Variants in UNG observed in about 807,000 individuals in gnomAD.
The protein encoded by UNG is uracil-DNA glycosylase.
In UNG, 34 loss-of-function variants were observed where a neutral mutation model predicts 36.5. The ratio of observed to expected loss-of-function variants is 0.93; its 90% CI spans 0.71 to 1.24. UNG has a LOEUF of 1.24. UNG is among the 50% of genes most tolerant of loss of function. UNG has a pLI of 0.00. For synonymous variants in UNG, 172 were observed against 157.8 expected, an observed-to-expected ratio of 1.09 and a Z score of -0.67; for missense variants, 391 against 397.6, an observed-to-expected ratio of 0.98 and a Z score of 0.14.
intron 4 of UNG, among the ~76,000 whole-genome samples, chr12:109,102,348 C>CA (rs2042184605): frequency 1.3e-5 from 2 of 152,180 alleles, no homozygotes; most frequent in Non-Finnish European, 2.9e-5. Flanking sequence ...CGCGGTGACT[C>CA]ACGCCTGTAA....
Position 109,110,262 on chromosome 12 carries a change from G to A in UNG, c.*293G>A, listed in dbSNP as rs56067042. 3.1e-4 allele frequency: 132 copies of A among 426,146 alleles called. 1 individual carries two copies. The highest frequency in any genetic ancestry group is 2.9e-3 in the South Asian group (130 of 44,338). 26.4% of individuals were successfully genotyped at this position (426,146 alleles called of 1,614,324 possible). On this transcript the variant is annotated 3_prime_UTR_variant, in exon 7 of 7. Coordinates refer to ENST00000242576, the MANE Select transcript of UNG (RefSeq NM_080911.3). Reference sequence around the variant, plus strand: ...CTCTCTTTATCTCCCTTGCCTTTATGGTGAAACAGGGGAGATGTGCACCTT... The same window carrying A: ...CTCTCTTTATCTCCCTTGCCTTTATAGTGAAACAGGGGAGATGTGCACCTT...
intron 6 of UNG, among the ~76,000 whole-genome samples, chr12:109,106,813 G>A (rs2042217760): frequency 7.4e-6 from 1 of 135,332 alleles, no homozygotes; most frequent in African/African-American, 2.7e-5. Flanking sequence ...GTTGCAGTTA[G>A]CTGAGATCAT....
intron 1 of UNG, chr12:109,098,071 A>G (rs892967753): frequency 1.4e-6 from 2 of 1,381,802 alleles, no homozygotes; most frequent in East Asian, 2.7e-5. Flanking sequence ...GCGCTGTCCA[A>G]TCAGAGGGGA....
intron 6 of UNG, among the ~76,000 whole-genome samples, chr12:109,106,873 A>G (rs1386644547): frequency 1.5e-5 from 2 of 131,416 alleles, no homozygotes; most frequent in Non-Finnish European, 3.2e-5. Context: ...CTCAAAAAAA[A>G]AACATATATA....
chr12:109,102,186 T>C (rs1009464078), intron 4 of UNG, among the ~76,000 whole-genome samples, 187 bp downstream of exon 4: 2 of 152,208 alleles, frequency 1.3e-5, no homozygotes, highest in African/African-American at 4.8e-5. Context: ...AGTCCTGTGC[T>C]ATTGCAGGAT....
chr12:109,104,065 T>TTTTTTTTTTGTTC (rs1167896386), intron 6 of UNG, among the ~76,000 whole-genome samples: 6 of 152,036 alleles, frequency 3.9e-5, no homozygotes, highest in Non-Finnish European at 8.8e-5. Flanking sequence ...GTTTTTTGTT[T>TTTTTTTTTTGTTC]TTTGATGGAG....
intron 6 of UNG, among the ~76,000 whole-genome samples, chr12:109,107,912 A>G (rs2042230000): frequency 1.3e-5 from 2 of 152,084 alleles, no homozygotes; most frequent in African/African-American, 4.8e-5. Context: ...CTATTCAGAG[A>G]GTTCAGAAAG....
chr12:109,110,126 C>T lies in UNG; in HGVS notation c.*157C>T. On this transcript the variant is annotated 3_prime_UTR_variant, in exon 7 of 7. Coordinates refer to ENST00000242576, the MANE Select transcript of UNG (RefSeq NM_080911.3). ...GAACCAGGCTGTCCAGGAATGGCAG[C>T]TGTATCCAACCACAAACAACAAAGG... is the stretch of plus-strand genomic sequence containing the variant. 1.1e-6 allele frequency: 1 copy of T among 932,768 alleles called. No individual in the cohort carries two copies. Among genetic ancestry groups the T allele is most frequent in the South Asian group, 1.5e-5 (1 of 66,780 alleles). The allele number at this position is 932,768 out of a possible 1,614,324, so 57.8% of individuals were successfully genotyped here.
chr12:109,098,813 A>G (rs2042155164), intron 2 of UNG, among the ~76,000 whole-genome samples, 175 bp downstream of exon 2: 1 of 152,156 alleles, frequency 6.6e-6, no homozygotes, highest in Non-Finnish European at 1.5e-5. Context: ...CTGCAGCTTT[A>G]TATTGGTTAA....
intron 3 of UNG, among the ~76,000 whole-genome samples, chr12:109,099,759 G>T (rs2541886): frequency 0.34 from 51,798 of 152,056 alleles, 10,903 homozygotes; most frequent in Middle Eastern, 0.53. Flanking sequence ...TTGCTGGTTG[G>T]CGGCTCTCAT....
intron 6 of UNG, 35 bp downstream of exon 6, chr12:109,103,646 T>G (rs1223915935): frequency 6.4e-7 from 1 of 1,554,768 alleles, no homozygotes; most frequent in South Asian, 1.2e-5. Flanking sequence ...TTTCTTTTTT[T>G]TTTAACACTA....
At chr12:109,098,708 A>G in intron 2 of UNG, 70 bp downstream of exon 2, 1 of 1,601,208 alleles carries the variant, frequency 6.2e-7, no homozygotes, top group Non-Finnish European at 8.5e-7. Context: ...TTGTTAGTGT[A>G]GCCGGCCAAG....
chr12:109,109,502 G>A (rs886818457), intron 6 of UNG, among the ~76,000 whole-genome samples: 3 of 147,024 alleles, frequency 2.0e-5, no homozygotes, highest in East Asian at 2.0e-4. Context: ...AAAAAGTCCC[G>A]GCCGGGCATG....
Position 109,098,484 on chromosome 12 carries a change from C to T in UNG, c.185C>T (p.Pro62Leu), listed in dbSNP as rs373518543. ...PAGQEEPGTPPSSPLSAEQLD... is the reference protein window; with the variant it reads ...PAGQEEPGTPLSSPLSAEQLD... ...GGGCAGGAGGAGCCTGGGACGCCGC[C>T]CTCCTCGCCGCTGAGTGCCGAGCAG... The change falls in exon 2 of 7, where the codon CCC becomes CTC. Residue 62 changes from proline to leucine, a missense_variant. By Grantham distance (98) the Pro-to-Leu change is moderately conservative. Transcript: ENST00000242576. 1.2e-5 allele frequency: 19 copies of T among 1,612,304 alleles called. No homozygotes were observed. Among genetic ancestry groups the T allele is most frequent in the Non-Finnish European group, 1.5e-5 (18 of 1,179,570 alleles).
At chr12:109,098,113 C>T (rs2042145576) in intron 1 of UNG, 24 of 1,379,646 alleles carry the variant, frequency 1.7e-5, no homozygotes, top group Non-Finnish European at 2.0e-5. Context: ...AGGTTTTTTG[C>T]CGCGAAAAGA....
rs753209535 is a variant in UNG, at chr12:109,098,384, A to G, written c.133-48A>G. ...GGGCCGGAAGCTGCGGACGCCTGGG[A>G]AGGGGCCGCTGCAGCTCTTGAGCCG... On this transcript the variant is annotated intron_variant, in intron 1 of 6. Coordinates refer to ENST00000242576, the MANE Select transcript of UNG (RefSeq NM_080911.3). 8 of 1,601,582 alleles carry G rather than the reference A, an allele frequency of 5.0e-6. No homozygotes were observed. In the African/African-American group the frequency reaches 6.7e-5, roughly 13 times the overall value.
intron 6 of UNG, among the ~76,000 whole-genome samples, chr12:109,107,226 G>T (rs1427478575): frequency 6.6e-6 from 1 of 151,900 alleles, no homozygotes; most frequent in African/African-American, 2.4e-5. Context: ...TTTGAAACAG[G>T]GTCTAGCTCT....
intron 4 of UNG, 101 bp downstream of exon 4, chr12:109,102,100 C>G: frequency 9.4e-7 from 1 of 1,067,746 alleles, no homozygotes; most frequent in Non-Finnish European, 1.4e-6. Flanking sequence ...GTTCACTAGC[C>G]TTGGAGGAGG....
chr12:109,106,312 A>G (rs1163504432), intron 6 of UNG, among the ~76,000 whole-genome samples: 2 of 151,266 alleles, frequency 1.3e-5, no homozygotes, highest in Non-Finnish European at 2.9e-5. Flanking sequence ...GTAGGCCTCG[A>G]CCCCGGGCAG....
Sources: gnomAD v4.1 joint callset for allele counts (sites outside exome capture counted in the v4.1 genomes callset) on GRCh38, gnomAD v4.1.1 for gene constraint, MANE v1.5 for transcripts, NCBI Gene and HGNC (gene_info 2026-07-23, HGNC 2026-07-21) for gene names.